Variants in MYRIP observed in about 807,000 individuals in gnomAD.
MYRIP encodes rab effector MyRIP.
In MYRIP, 49 loss-of-function variants were observed where a neutral mutation model predicts 98.0. The observed-to-expected ratio is 0.50, with a 90% confidence interval of 0.40 to 0.63. The LOEUF (loss-of-function observed/expected upper bound fraction) is 0.63, where lower values mean the gene tolerates loss of function less well. Ranked by LOEUF, MYRIP falls within the 30% of genes least tolerant of loss-of-function variation. The probability of loss-of-function intolerance (pLI) is 0.00; values close to 1 mark genes in which losing one functional copy is unlikely to be tolerated. For missense variants in MYRIP, 1,004 were observed against 1,058.2 expected (o/e 0.95, Z 0.71); for synonymous variants, 404 against 409.5 (o/e 0.99, Z 0.16).
chr3:40,082,165 G>A (rs1948493097), intron 3 of MYRIP, among the ~76,000 whole-genome samples: 1 of 152,152 alleles, frequency 6.6e-6, no homozygotes, highest in Non-Finnish European at 1.5e-5. Flanking sequence ...ATTTAGTATA[G>A]CCATTATGTA....
At chr3:39,953,506 A>G (rs1945078491) in intron 2 of MYRIP, among the ~76,000 whole-genome samples, 1 of 152,308 alleles carries the variant, frequency 6.6e-6, no homozygotes, top group East Asian at 1.9e-4. Context: ...CGTTGCTATT[A>G]ACAAAATCTG....
At chr3:40,102,088 G>C (rs1948955880) in intron 3 of MYRIP, among the ~76,000 whole-genome samples, 2 of 152,226 alleles carry the variant, frequency 1.3e-5, no homozygotes, top group South Asian at 2.1e-4. Flanking sequence ...GGGGAGCCCA[G>C]TGACAGATGG....
At chr3:40,128,079 T>C (rs1478125119) in intron 3 of MYRIP, among the ~76,000 whole-genome samples, 4 of 152,238 alleles carry the variant, frequency 2.6e-5, no homozygotes, top group Non-Finnish European at 5.9e-5. Flanking sequence ...AATCTTCTAA[T>C]TCTGTATTCT....
At chr3:39,997,237 A>T (rs1188481778) in intron 2 of MYRIP, among the ~76,000 whole-genome samples, 1 of 152,216 alleles carries the variant, frequency 6.6e-6, no homozygotes, top group Admixed American at 6.5e-5. Context: ...AAATCAATGA[A>T]TCTAGGAGCT....
chr3:39,903,843 C>A (rs960414855), intron 2 of MYRIP, among the ~76,000 whole-genome samples: 1 of 152,152 alleles, frequency 6.6e-6, no homozygotes, highest in Non-Finnish European at 1.5e-5. Context: ...CTGGGTTAAA[C>A]CATTTCAAAA....
rs373030841 is a variant in MYRIP at position 39,844,261 on chromosome 3, G to C, written c.-31+34345G>C. On this transcript the variant is annotated intron_variant, in intron 1 of 16. Transcript: ENST00000302541. ...GGCATCTCTCAGTCCAGACAATGTG[G>C]AAAGTCAACATACTGCTGGAAATTC... Among the ~76,000 whole-genome samples, 13 of 152,166 alleles carry C rather than the reference G, an allele frequency of 8.5e-5. No homozygotes were observed. In the East Asian group the frequency reaches 1.7e-3, roughly 20 times the overall value.
At chr3:39,885,273 G>A (rs2125649975) in intron 1 of MYRIP, among the ~76,000 whole-genome samples, 1 of 151,818 alleles carries the variant, frequency 6.6e-6, no homozygotes, top group South Asian at 2.1e-4. Flanking sequence ...TTATATTGGG[G>A]GAAATCATTC....
chr3:40,196,072 C>A (rs2256927), intron 10 of MYRIP, among the ~76,000 whole-genome samples: 122,692 of 151,920 alleles, frequency 0.81, 51,303 homozygotes, highest in Middle Eastern at 0.93. Context: ...GTTATGCATC[C>A]TCTAGTTTAT....
At chr3:39,859,363 AAGG>A (rs1253055773) in intron 1 of MYRIP, among the ~76,000 whole-genome samples, 1 of 152,208 alleles carries the variant, frequency 6.6e-6, no homozygotes, top group East Asian at 1.9e-4. Flanking sequence ...AATAATGAAT[AAGG>A]AGATTGATTT....
intron 2 of MYRIP, among the ~76,000 whole-genome samples, chr3:40,015,893 C>G (rs1946851766): frequency 6.6e-6 from 1 of 152,128 alleles, no homozygotes; most frequent in Non-Finnish European, 1.5e-5. Flanking sequence ...TAACTGCAGT[C>G]CAGTTTCTAT....
intron 1 of MYRIP, among the ~76,000 whole-genome samples, chr3:39,890,667 C>G (rs1031823557): frequency 2.7e-5 from 4 of 148,092 alleles, no homozygotes; most frequent in African/African-American, 1.0e-4. Context: ...ATTTGGTCAG[C>G]AACTTTATTT....
chr3:40,080,694 C>G (rs1430822372), intron 3 of MYRIP, among the ~76,000 whole-genome samples: 1 of 147,628 alleles, frequency 6.8e-6, no homozygotes, highest in East Asian at 2.0e-4. Flanking sequence ...TTCTTTTTTT[C>G]TTTTTTAAGA....
At chr3:40,186,725 C>T (rs912588522) in intron 9 of MYRIP, among the ~76,000 whole-genome samples, 3 of 152,158 alleles carry the variant, frequency 2.0e-5, no homozygotes, top group African/African-American at 7.2e-5. Flanking sequence ...ACACTGAAGT[C>T]GTGAGGGCCA....
At position 40,212,168 on chromosome 3, in the gene MYRIP, ACATATATATACGTG is replaced by A. The variant is rs1418655487; in HGVS notation, c.1905+2076_1905+2089del. 6.8e-4 allele frequency among the ~76,000 whole-genome samples: 5 copies of A among 7,362 alleles called. No homozygotes were observed. The East Asian group carries it at 0.015, about 22-fold the overall frequency. The allele number at this position is 7,362 out of a possible 152,430, so 4.8% of individuals were successfully genotyped here. A position where few individuals can be genotyped will look rare whatever the true frequency, so the allele number is the denominator to read the frequency against. On this transcript the variant is annotated intron_variant, in intron 11 of 16. Transcript: ENST00000302541. ...CATATATATACGTGTATATATATAT[ACATATATATACGTG>A]TATGTGTATATACATATATATACGT... is the stretch of plus-strand genomic sequence containing the variant.
At chr3:39,892,481 T>G (rs67350158) in intron 1 of MYRIP, among the ~76,000 whole-genome samples, 7,921 of 152,264 alleles carry the variant, frequency 0.052, 241 homozygotes, top group African/African-American at 0.07. Flanking sequence ...GAAGATAATC[T>G]TACATAAGTG....
intron 1 of MYRIP, among the ~76,000 whole-genome samples, chr3:39,898,827 T>C (rs1203404823): frequency 6.6e-6 from 1 of 152,184 alleles, no homozygotes; most frequent in Non-Finnish European, 1.5e-5. Context: ...ATCATTATTG[T>C]TATTTTTATT....
intron 3 of MYRIP, among the ~76,000 whole-genome samples, chr3:40,147,647 A>G (rs1200216274): frequency 6.6e-6 from 1 of 152,198 alleles, no homozygotes; most frequent in Non-Finnish European, 1.5e-5. Flanking sequence ...TTACAAAATC[A>G]TACAACTTTT....
At chr3:40,211,515 G>A (rs1184235536) in intron 11 of MYRIP, among the ~76,000 whole-genome samples, 4 of 152,158 alleles carry the variant, frequency 2.6e-5, no homozygotes, top group African/African-American at 7.2e-5. Context: ...GTTGGAGAGT[G>A]GAGCTTGTTC....
At chr3:40,047,932 G>C (rs937811395) in intron 3 of MYRIP, among the ~76,000 whole-genome samples, 2 of 152,154 alleles carry the variant, frequency 1.3e-5, no homozygotes, top group Non-Finnish European at 2.9e-5. Flanking sequence ...AATTCATCAT[G>C]TAACACATTT....
Sources: gnomAD v4.1 joint callset for allele counts (sites outside exome capture counted in the v4.1 genomes callset) on GRCh38, gnomAD v4.1.1 for gene constraint, MANE v1.5 for transcripts, NCBI Gene and HGNC (gene_info 2026-07-23, HGNC 2026-07-21) for gene names.